The following EPHA6 variants were observed in gnomAD, a reference collection of about 807,000 sequenced individuals.
EPHA6 encodes ephrin type-A receptor 6.
Under a neutral mutation model 112.0 loss-of-function variants are expected in EPHA6, and 50 were observed. That is an observed-to-expected ratio of 0.45 (90% CI 0.36 to 0.56). The LOEUF is 0.56. Among genes scored for constraint, EPHA6 ranks in the 20% least tolerant of loss-of-function variants. The pLI, the probability that EPHA6 is intolerant of heterozygous loss-of-function variation, is 0.00. For synonymous variants in EPHA6, 529 were observed against 490.7 expected, an observed-to-expected ratio of 1.08 and a Z score of -1.03; for missense variants, 1,280 against 1,417.4, an observed-to-expected ratio of 0.90 and a Z score of 1.56.
chr3:97,343,055 T>C (rs925220383), intron 5 of EPHA6, among the ~76,000 whole-genome samples: 2 of 152,168 alleles, frequency 1.3e-5, no homozygotes, highest in Admixed American at 1.3e-4. Flanking sequence ...CCAATATTCC[T>C]GTGAAGGGAA....
intron 1 of EPHA6, among the ~76,000 whole-genome samples, chr3:96,861,995 T>A (rs1181884665): frequency 6.6e-6 from 1 of 151,918 alleles, no homozygotes; most frequent in Non-Finnish European, 1.5e-5. Context: ...ACCCATATTA[T>A]ATATATCTGA....
intron 2 of EPHA6, among the ~76,000 whole-genome samples, chr3:96,944,804 G>T (rs1035393404): frequency 2.6e-5 from 4 of 152,190 alleles, no homozygotes; most frequent in Non-Finnish European, 5.9e-5. Context: ...GCTGAGCGTG[G>T]TGGCGCATGT....
intron 10 of EPHA6, among the ~76,000 whole-genome samples, chr3:97,522,401 G>C (rs4857269): frequency 0.29 from 44,409 of 152,060 alleles, 10,351 homozygotes; most frequent in African/African-American, 0.64. Context: ...ATAAATTCCA[G>C]TTGATCATGG....
At chr3:96,842,096 C>T (rs1042350885) in intron 1 of EPHA6, among the ~76,000 whole-genome samples, 7 of 152,018 alleles carry the variant, frequency 4.6e-5, no homozygotes, top group African/African-American at 1.7e-4. Flanking sequence ...AGGCAGCCTC[C>T]CATCCATCTT....
At chr3:97,345,136 C>T (rs2083475599) in intron 5 of EPHA6, among the ~76,000 whole-genome samples, 1 of 151,718 alleles carries the variant, frequency 6.6e-6, no homozygotes, top group Non-Finnish European at 1.5e-5. Context: ...TTCACATGTA[C>T]ATAACATTGA....
At chr3:96,904,877 T>C (rs1270734520) in intron 2 of EPHA6, among the ~76,000 whole-genome samples, 1 of 152,072 alleles carries the variant, frequency 6.6e-6, no homozygotes, top group Non-Finnish European at 1.5e-5. Context: ...AAAACTATAT[T>C]TCACCTGTCA....
intron 2 of EPHA6, among the ~76,000 whole-genome samples, chr3:96,969,105 A>T (rs2042228662): frequency 6.6e-6 from 1 of 151,890 alleles, no homozygotes; most frequent in Non-Finnish European, 1.5e-5. Context: ...ACTTCTACTA[A>T]TTTGATATAC....
intron 3 of EPHA6, among the ~76,000 whole-genome samples, chr3:97,032,169 C>A (rs1253998492): frequency 6.6e-6 from 1 of 152,000 alleles, no homozygotes; most frequent in Non-Finnish European, 1.5e-5. Flanking sequence ...AAGCTGGAAA[C>A]CATCATTCTC....
intron 3 of EPHA6, among the ~76,000 whole-genome samples, chr3:97,220,672 C>G (rs1167528221): frequency 1.3e-5 from 2 of 152,086 alleles, no homozygotes; most frequent in African/African-American, 4.8e-5. Flanking sequence ...GAAACCACCC[C>G]CATGATTCAA....
chr3:97,659,285 T>C (rs1157623726), intron 14 of EPHA6, among the ~76,000 whole-genome samples: 1 of 151,832 alleles, frequency 6.6e-6, no homozygotes, highest in South Asian at 2.1e-4. Context: ...TTAGAACAAA[T>C]CAGGTAGAAG....
intron 13 of EPHA6, among the ~76,000 whole-genome samples, chr3:97,613,339 G>C (rs1430272265): frequency 6.6e-6 from 1 of 152,138 alleles, no homozygotes; most frequent in Non-Finnish European, 1.5e-5. Flanking sequence ...GGAGGAAGTG[G>C]CTAAGTGCAC....
chr3:97,115,882 A>C (rs2108292604), intron 3 of EPHA6, among the ~76,000 whole-genome samples: 1 of 151,966 alleles, frequency 6.6e-6, no homozygotes, highest in South Asian at 2.1e-4. Context: ...ATCATGTGAA[A>C]AGCACTTTTA....
At chr3:96,883,117 A>G (rs1034400691) in intron 2 of EPHA6, among the ~76,000 whole-genome samples, 4 of 152,114 alleles carry the variant, frequency 2.6e-5, no homozygotes, top group Admixed American at 2.6e-4. Context: ...GATTATGACC[A>G]TACTTGCAGG....
intron 1 of EPHA6, among the ~76,000 whole-genome samples, chr3:96,857,091 G>C (rs1470126059): frequency 2.0e-5 from 3 of 152,104 alleles, no homozygotes; most frequent in Non-Finnish European, 4.4e-5. Flanking sequence ...TAATCAATAA[G>C]TTAAGAAAAC....
rs914344854 is a variant in EPHA6, at chr3:96,944,045, T to C, written c.451-43285T>C. Among the ~76,000 whole-genome samples, 5 of 152,310 alleles carry C rather than the reference T, an allele frequency of 3.3e-5. No homozygotes were observed. In the South Asian group the frequency reaches 1.0e-3, roughly 32 times the overall value. On this transcript the variant is annotated intron_variant, in intron 2 of 17. Coordinates refer to ENST00000389672, the MANE Select transcript of EPHA6 (RefSeq NM_001080448.3). ...TTATCCCTTTTTAGCTATTACACAT[T>C]TTTCTATAAAATTCCTTGCAAAGTT...
At chr3:96,927,845 A>T (rs1248747232) in intron 2 of EPHA6, among the ~76,000 whole-genome samples, 1 of 152,188 alleles carries the variant, frequency 6.6e-6, no homozygotes, top group Non-Finnish European at 1.5e-5. Context: ...TGCTATAAAG[A>T]TACTACCTGA....
chr3:97,313,419 G>A (rs1334054670), intron 5 of EPHA6, among the ~76,000 whole-genome samples: 3 of 151,474 alleles, frequency 2.0e-5, no homozygotes, highest in African/African-American at 7.3e-5. Flanking sequence ...AAGTGGGATT[G>A]TTGGGGTAAT....
At chr3:96,918,930 C>G (rs2039619996) in intron 2 of EPHA6, among the ~76,000 whole-genome samples, 3 of 151,904 alleles carry the variant, frequency 2.0e-5, no homozygotes, top group African/African-American at 7.2e-5. Context: ...ATCACTGACA[C>G]TGTAATATTT....
At position 97,059,035 on chromosome 3, in the gene EPHA6, T is replaced by A. The variant is rs879817630; in HGVS notation, c.1114+71042T>A. 3.3e-5 allele frequency among the ~76,000 whole-genome samples: 5 copies of A among 152,084 alleles called. No homozygotes were observed. In the East Asian group the frequency reaches 9.7e-4, roughly 29 times the overall value. On this transcript the variant is annotated intron_variant, in intron 3 of 17. Coordinates refer to ENST00000389672, the MANE Select transcript of EPHA6 (RefSeq NM_001080448.3). Reference sequence around the variant, plus strand: ...CTGCCTGAACAGCGGAGTCTTTAGATCAAACACCAAAAATAGGAGATGAGG... The same window carrying A: ...CTGCCTGAACAGCGGAGTCTTTAGAACAAACACCAAAAATAGGAGATGAGG...
Sources: gnomAD v4.1 joint callset for allele counts (sites outside exome capture counted in the v4.1 genomes callset) on GRCh38, gnomAD v4.1.1 for gene constraint, MANE v1.5 for transcripts, NCBI Gene and HGNC (gene_info 2026-07-23, HGNC 2026-07-21) for gene names.